Variants in TPM3 observed in about 807,000 individuals in gnomAD.
TPM3 encodes tropomyosin 3.
In TPM3, 16 loss-of-function variants were observed where a neutral mutation model predicts 43.1. The observed-to-expected ratio is 0.37, with a 90% CI of 0.25 to 0.56. TPM3 has a LOEUF of 0.56. Among genes scored for constraint, TPM3 ranks in the 20% least tolerant of loss-of-function variants. The probability of loss-of-function intolerance (pLI) is 0.77; values close to 1 mark genes in which losing one functional copy is unlikely to be tolerated. For synonymous variants in TPM3, 101 were observed against 116.9 expected (o/e 0.86, Z 0.88); for missense variants, 176 against 337.2 (o/e 0.52, Z 3.74).
intron 2 of TPM3, among the ~76,000 whole-genome samples, chr1:154,187,000 A>C (rs1201709511): frequency 6.6e-6 from 1 of 151,742 alleles, no homozygotes; most frequent in Non-Finnish European, 1.5e-5. Context: ...ATTAACCTCA[A>C]GGACAGAAGC....
intron 5 of TPM3, chr1:154,172,170 A>G (rs941890422): frequency 1.3e-6 from 2 of 1,528,606 alleles, no homozygotes; most frequent in African/African-American, 2.7e-5. Context: ...TCAAAAAGGA[A>G]CACAGCAAGA....
Position 154,164,905 on chromosome 1 carries a change from T to C in TPM3, c.*3032A>G, listed in dbSNP as rs1660777277. 1.3e-5 allele frequency among the ~76,000 whole-genome samples: 2 copies of C among 152,238 alleles called. No homozygotes were observed. The highest frequency in any genetic ancestry group is 2.9e-5 in the Non-Finnish European group (2 of 68,042). ...CCAAATTAATTCTTCTTATATGTTA[T>C]TCAGATCACAACATATCCTATTCAA... On this transcript the variant is annotated 3_prime_UTR_variant, in exon 10 of 10. Coordinates refer to ENST00000651641, the MANE Select transcript of TPM3 (RefSeq NM_152263.4).
chr1:154,171,226 A>T, intron 6 of TPM3, 187 bp downstream of exon 6: 1 of 680,112 alleles, frequency 1.5e-6, no homozygotes, highest in Non-Finnish European at 2.6e-6. Flanking sequence ...CCAAGAAGTT[A>T]TTTTAATTAA....
downstream of TPM3, among the ~76,000 whole-genome samples, chr1:154,161,610 AT>A (rs796496480): frequency 1.5e-3 from 216 of 140,838 alleles, no homozygotes; most frequent in Middle Eastern, 3.7e-3. Context: ...TAATTTTTGC[AT>A]TTTTTTTTTT....
chr1:154,162,364 C>CAAAAA lies in TPM3; in HGVS notation c.*5568_*5572dup, dbSNP rs58289686. ...TGGGCAACAGAGCAAGACTCCGTCT[C>CAAAAA]AAAAAAAAAAAAAAAAAAAAACACA... On this transcript the variant is annotated 3_prime_UTR_variant, in exon 10 of 10. Coordinates refer to ENST00000651641, the MANE Select transcript of TPM3 (RefSeq NM_152263.4). 1.3e-5 allele frequency among the ~76,000 whole-genome samples: 1 copy of CAAAAA among 75,100 alleles called. No individual in the cohort carries two copies. The highest frequency in any genetic ancestry group is 2.7e-5 in the Non-Finnish European group (1 of 37,566). 49.3% of individuals were successfully genotyped at this position (75,100 alleles called of 152,430 possible).
In TPM3 at chr1:154,165,113, G is replaced by A. The variant is rs1333258969; in HGVS notation, c.*2824C>T. On this transcript the variant is annotated 3_prime_UTR_variant, in exon 10 of 10. Transcript: ENST00000651641. ...ATGGAATGCTCAGGCCAGGTGCAGT[G>A]GCTCACGCCTGTAATCCCAACACTT... Among the ~76,000 whole-genome samples the A allele has an allele frequency of 6.6e-6, 1 of 152,202 alleles. No homozygotes were observed. Among genetic ancestry groups the A allele is most frequent in the Non-Finnish European group, 1.5e-5 (1 of 68,048 alleles).
Position 154,187,807 on chromosome 1 carries a change from C to T in TPM3, c.243+3379G>A, listed in dbSNP as rs183125751. 2.4e-4 allele frequency among the ~76,000 whole-genome samples: 37 copies of T among 151,536 alleles called. 3 individuals are homozygous for T. The highest frequency in any genetic ancestry group is 8.8e-4 in the African/African-American group (36 of 40,886). On this transcript the variant is annotated intron_variant, in intron 2 of 9. Coordinates refer to ENST00000651641, the MANE Select transcript of TPM3 (RefSeq NM_152263.4). ...TAGCCGTTTCAGCCTAAGAGCAGAC[C>T]CAGATTGATGTTACCCAATTTCTCA... is the stretch of plus-strand genomic sequence containing the variant.
Position 154,166,394 on chromosome 1 carries a change from CCA to C in TPM3, c.*1541_*1542del, listed in dbSNP as rs150896068. The C allele has an allele frequency of 4.7e-3, 1,752 of 375,880 alleles. 59 individuals are homozygous for C. In the East Asian group the frequency reaches 0.074, roughly 16 times the overall value. 23.3% of individuals were successfully genotyped at this position (375,880 alleles called of 1,614,324 possible). A position where few individuals can be genotyped will look rare whatever the true frequency, so the allele number is the denominator to read the frequency against. On this transcript the variant is annotated 3_prime_UTR_variant, in exon 10 of 10. Transcript: ENST00000651641. ...CCTTCTTAGGCAACCTTGTTGTTCT[CCA>C]CTCCCAGGAGGTCACCATACTGATG...
At chr1:154,176,350 A>C in intron 2 of TPM3, 102 bp from the exon 3 acceptor site, 1 of 1,550,484 alleles carries the variant, frequency 6.4e-7, no homozygotes, top group Non-Finnish European at 8.8e-7. Flanking sequence ...AAAAAGCCAG[A>C]GTCTCGCAGG....
chr1:154,171,293 G>A (rs1419533555), intron 6 of TPM3, 120 bp downstream of exon 6: 2 of 990,566 alleles, frequency 2.0e-6, no homozygotes, highest in South Asian at 1.3e-5. Context: ...ACATGGTAAG[G>A]AGGTAGGAAG....
chr1:154,167,442 G>C lies in TPM3; in HGVS notation c.*495C>G. ...ACCAAAGGAGGAATACCTGAAGAGA[G>C]AATGGAAACACTGCAGGCAGGATGA... is the stretch of plus-strand genomic sequence containing the variant. On this transcript the variant is annotated 3_prime_UTR_variant, in exon 10 of 10. Coordinates refer to ENST00000651641, the MANE Select transcript of TPM3 (RefSeq NM_152263.4). 9.3e-7 allele frequency: 1 copy of C among 1,073,382 alleles called. No individual in the cohort carries two copies. The highest frequency in any genetic ancestry group is 1.1e-6 in the Non-Finnish European group (1 of 883,086). The allele number at this position is 1,073,382 out of a possible 1,614,324, so 66.5% of individuals were successfully genotyped here.
intron 7 of TPM3, 47 bp downstream of exon 7, chr1:154,170,602 T>C (rs772464854): frequency 1.3e-6 from 2 of 1,597,474 alleles, no homozygotes; most frequent in African/African-American, 2.7e-5. Flanking sequence ...ATGCCTTATA[T>C]ACCTCTAAAT....
intron 2 of TPM3, chr1:154,183,320 G>T (rs953394198): frequency 1.2e-5 from 18 of 1,471,132 alleles, no homozygotes; most frequent in Non-Finnish European, 1.6e-5. Flanking sequence ...GCCGCGGCAG[G>T]GAGTGGATCC....
At chr1:154,189,848 G>A (rs921321377) in intron 2 of TPM3, among the ~76,000 whole-genome samples, 13 of 151,584 alleles carry the variant, frequency 8.6e-5, no homozygotes, top group African/African-American at 2.9e-4. Context: ...AAACCGGATG[G>A]CAGAGAGACC....
At chr1:154,172,702 A>C (rs1661737900) in intron 5 of TPM3, 1 of 651,564 alleles carries the variant, frequency 1.5e-6, no homozygotes. Context: ...AAAAAATAAG[A>C]AAGCCTCTTT....
At position 154,165,319 on chromosome 1, in the gene TPM3, T is replaced by C. The variant is rs1378490593; in HGVS notation, c.*2618A>G. ...ATCGCTTGAACTCAAGAAGCAGAGGTTGCAGTGAGCCATGATCTCACCACT... is the reference window on the plus strand; with the variant it reads ...ATCGCTTGAACTCAAGAAGCAGAGGCTGCAGTGAGCCATGATCTCACCACT... On this transcript the variant is annotated 3_prime_UTR_variant, in exon 10 of 10. Coordinates refer to ENST00000651641, the MANE Select transcript of TPM3 (RefSeq NM_152263.4). 6.6e-6 allele frequency among the ~76,000 whole-genome samples: 1 copy of C among 152,020 alleles called. No homozygotes were observed. The highest frequency in any genetic ancestry group is 1.5e-5 in the Non-Finnish European group (1 of 68,016).
Position 154,165,681 on chromosome 1 carries a change from C to T in TPM3, c.*2256G>A, listed in dbSNP as rs182954376. ...GCAGGCGCCTGTGATCTCAGCTACT[C>T]GGGAGGCTGAGGTGGGAGAACTGCT... On this transcript the variant is annotated 3_prime_UTR_variant, in exon 10 of 10. Transcript: ENST00000651641. 4.0e-5 allele frequency among the ~76,000 whole-genome samples: 6 copies of T among 148,954 alleles called. No homozygotes were observed. The highest frequency in any genetic ancestry group is 2.1e-4 in the South Asian group (1 of 4,694).
At chr1:154,184,147 A>G (rs1265770349) in intron 2 of TPM3, among the ~76,000 whole-genome samples, 7 of 151,940 alleles carry the variant, frequency 4.6e-5, no homozygotes, top group Non-Finnish European at 8.8e-5. Flanking sequence ...CCCGGGTTCA[A>G]GCGATTCTCC....
chr1:154,171,241 A>C lies in TPM3; in HGVS notation c.642+172T>G. 5.5e-6 allele frequency: 4 copies of C among 721,702 alleles called. 1 individual carries two copies. In the South Asian group the frequency reaches 6.3e-5, roughly 11 times the overall value. The allele number at this position is 721,702 out of a possible 1,614,324, so 44.7% of individuals were successfully genotyped here. A position where few individuals can be genotyped will look rare whatever the true frequency, so the allele number is the denominator to read the frequency against. On this transcript the variant is annotated intron_variant, in intron 6 of 9. Transcript: ENST00000651641. ...CCAAGAAGTTATTTTAATTAAAGCAATCAAAGTGCACAGAAAATAGCATTA... is the reference window on the plus strand; with the variant it reads ...CCAAGAAGTTATTTTAATTAAAGCACTCAAAGTGCACAGAAAATAGCATTA...
Sources: allele counts gnomAD v4.1 joint callset (sites outside exome capture counted in the v4.1 genomes callset), GRCh38; gene constraint gnomAD v4.1.1; transcripts MANE v1.5; gene names NCBI Gene and HGNC (gene_info 2026-07-23, HGNC 2026-07-21).